Variants in SLC2A13 observed in about 807,000 individuals in gnomAD.
SLC2A13 encodes the protein proton myo-inositol cotransporter.
In SLC2A13, 32 loss-of-function variants were observed where a neutral mutation model predicts 64.4. The ratio of observed to expected loss-of-function variants is 0.50; its 90% CI spans 0.37 to 0.67. The LOEUF (loss-of-function observed/expected upper bound fraction) is 0.67, where lower values mean the gene tolerates loss of function less well. Among genes scored for constraint, SLC2A13 ranks in the 30% least tolerant of loss-of-function variants. The pLI is 0.00. For synonymous variants in SLC2A13, 338 were observed against 327.1 expected (o/e 1.03, Z -0.36); for missense variants, 743 against 829.2 (o/e 0.90, Z 1.28).
At position 39,916,103 on chromosome 12, in the gene SLC2A13, G is replaced by C. The variant is rs544023431; in HGVS notation, c.1034+35154C>G. Among the ~76,000 whole-genome samples, 109 of 151,850 alleles carry C rather than the reference G, an allele frequency of 7.2e-4. 3 individuals carry two copies. The highest frequency in any genetic ancestry group is 2.6e-3 in the African/African-American group (107 of 41,384). Reference sequence around the variant, plus strand: ...AGCAGATTAAAAATTTTAATAACCAGCATCTTCAGAATGTTCCCAAATTGC... The same window carrying C: ...AGCAGATTAAAAATTTTAATAACCACCATCTTCAGAATGTTCCCAAATTGC... On this transcript the variant is annotated intron_variant, in intron 4 of 9. Transcript: ENST00000280871.
At chr12:39,910,724 CTA>C (rs1405858801) in intron 4 of SLC2A13, among the ~76,000 whole-genome samples, 3 of 151,962 alleles carry the variant, frequency 2.0e-5, no homozygotes, top group African/African-American at 7.3e-5. Context: ...CTATGTATGA[CTA>C]TATGTGTGGT....
chr12:39,978,565 T>G (rs1324691573), intron 3 of SLC2A13, among the ~76,000 whole-genome samples: 9 of 152,264 alleles, frequency 5.9e-5, no homozygotes, highest in Admixed American at 5.9e-4. Flanking sequence ...GGGTGACGGA[T>G]GCACCTGGAA....
chr12:40,052,662 T>C (rs963204309), intron 1 of SLC2A13, among the ~76,000 whole-genome samples: 3 of 152,184 alleles, frequency 2.0e-5, no homozygotes, highest in African/African-American at 7.2e-5. Context: ...TGCCTTACTA[T>C]TGCTTTTAGT....
intron 2 of SLC2A13, among the ~76,000 whole-genome samples, chr12:40,035,266 CA>C (rs1947963450): frequency 6.6e-6 from 1 of 152,062 alleles, no homozygotes; most frequent in Non-Finnish European, 1.5e-5. Flanking sequence ...ACATGGTCAC[CA>C]AAGTTATGAT....
chr12:39,929,419 T>C (rs960571855), intron 4 of SLC2A13, among the ~76,000 whole-genome samples: 3 of 151,494 alleles, frequency 2.0e-5, no homozygotes, highest in South Asian at 4.2e-4. Flanking sequence ...GGTGTGGTGG[T>C]GGGAACCTGT....
intron 6 of SLC2A13, among the ~76,000 whole-genome samples, chr12:39,857,517 G>A (rs550454581): frequency 1.2e-4 from 19 of 152,258 alleles, no homozygotes; most frequent in Non-Finnish European, 1.9e-4. Flanking sequence ...TCAAGGTTGC[G>A]TTATTTCTTG....
chr12:39,883,719 AT>A (rs1350581957), intron 4 of SLC2A13, among the ~76,000 whole-genome samples: 1 of 152,202 alleles, frequency 6.6e-6, no homozygotes, highest in Non-Finnish European at 1.5e-5. Flanking sequence ...TTCATTCTAT[AT>A]AAAAGCAACA....
At chr12:40,008,144 T>C (rs1947457567) in intron 3 of SLC2A13, among the ~76,000 whole-genome samples, 1 of 152,224 alleles carries the variant, frequency 6.6e-6, no homozygotes, top group Admixed American at 6.5e-5. Context: ...AGACTAAATA[T>C]AGTAACACAC....
chr12:39,818,432 A>G (rs2135820619), intron 7 of SLC2A13, among the ~76,000 whole-genome samples: 1 of 152,344 alleles, frequency 6.6e-6, no homozygotes, highest in Admixed American at 6.5e-5. Context: ...CTTATCAATC[A>G]GTGAAGAGCT....
At chr12:39,875,624 T>A (rs1324965749) in intron 4 of SLC2A13, among the ~76,000 whole-genome samples, 1 of 152,164 alleles carries the variant, frequency 6.6e-6, no homozygotes, top group Non-Finnish European at 1.5e-5. Context: ...AAGGAAGGAA[T>A]GAAAGACAAG....
At chr12:39,959,580 T>C (rs1056303178) in intron 3 of SLC2A13, among the ~76,000 whole-genome samples, 2 of 152,222 alleles carry the variant, frequency 1.3e-5, no homozygotes, top group African/African-American at 2.4e-5. Context: ...TCTGTTACTA[T>C]CAAGAATTCT....
At chr12:39,828,779 G>C (rs1428870253) in intron 7 of SLC2A13, among the ~76,000 whole-genome samples, 2 of 151,586 alleles carry the variant, frequency 1.3e-5, no homozygotes, top group African/African-American at 4.8e-5. Flanking sequence ...AGTACATCTA[G>C]AAATATTTAA....
chr12:39,982,929 A>G (rs1946939458), intron 3 of SLC2A13, among the ~76,000 whole-genome samples: 1 of 133,142 alleles, frequency 7.5e-6, no homozygotes, highest in African/African-American at 2.6e-5. Flanking sequence ...TTCAAACTAT[A>G]CTACAAGACT....
chr12:39,952,265 G>T (rs1223938194), intron 3 of SLC2A13, among the ~76,000 whole-genome samples: 1 of 152,026 alleles, frequency 6.6e-6, no homozygotes. Flanking sequence ...ATTCTATATG[G>T]TGTCCTTAAT....
chr12:39,805,881 C>A lies in SLC2A13; in HGVS notation c.1445+24222G>T, dbSNP rs537359709. Reference sequence around the variant, plus strand: ...ACATTTTGGAAACACAGGAAGAGATCAGAAAGCTGTGGGCAGGATTTGCTT... The same window carrying A: ...ACATTTTGGAAACACAGGAAGAGATAAGAAAGCTGTGGGCAGGATTTGCTT... On this transcript the variant is annotated intron_variant, in intron 7 of 9. Transcript: ENST00000280871. 1.1e-3 allele frequency among the ~76,000 whole-genome samples: 164 copies of A among 152,234 alleles called. 1 individual carries two copies. The highest frequency in any genetic ancestry group is 4.1e-3 in the Admixed American group (63 of 15,286).
At chr12:39,868,874 A>T (rs1943972669) in intron 5 of SLC2A13, among the ~76,000 whole-genome samples, 1 of 152,214 alleles carries the variant, frequency 6.6e-6, no homozygotes, top group Non-Finnish European at 1.5e-5. Flanking sequence ...CTTTGTATAA[A>T]GAGTTCCTTT....
At chr12:40,044,044 A>G (rs10878029) in intron 2 of SLC2A13, among the ~76,000 whole-genome samples, 34,992 of 152,144 alleles carry the variant, frequency 0.23, 4,429 homozygotes, top group Middle Eastern at 0.36. Context: ...TTGTACACAA[A>G]TGTTCATAGC....
At chr12:39,788,064 CTTG>C (rs1312282741) in intron 7 of SLC2A13, among the ~76,000 whole-genome samples, 4 of 152,100 alleles carry the variant, frequency 2.6e-5, no homozygotes, top group South Asian at 2.1e-4. Context: ...ATTACTCATA[CTTG>C]TTGTGGGGTA....
intron 1 of SLC2A13, chr12:40,068,347 C>T: frequency 5.1e-6 from 2 of 391,182 alleles, no homozygotes; most frequent in South Asian, 1.9e-5. Flanking sequence ...CATGCTGTGC[C>T]CAGTCCAGTA....
Sources: allele counts gnomAD v4.1 joint callset (sites outside exome capture counted in the v4.1 genomes callset), GRCh38; gene constraint gnomAD v4.1.1; transcripts MANE v1.5; gene names NCBI Gene and HGNC (gene_info 2026-07-23, HGNC 2026-07-21).